Variants in HS6ST2 observed in about 807,000 individuals in gnomAD.
HS6ST2 encodes the protein heparan-sulfate 6-O-sulfotransferase 2.
HS6ST2 carries 17 observed loss-of-function variants against 33.0 expected under a neutral mutation model. The observed-to-expected ratio is 0.52, with a 90% CI of 0.35 to 0.77. The LOEUF is 0.77. HS6ST2 is among the 30% of genes least tolerant of loss of function. The pLI is 0.01. For synonymous variants in HS6ST2, 248 were observed against 237.1 expected (o/e 1.05, Z -0.42); for missense variants, 519 against 551.7 (o/e 0.94, Z 0.59).
intron 2 of HS6ST2, among the ~76,000 whole-genome samples, chrX:132,755,687 A>G (rs760025569): frequency 1.4e-4 from 16 of 111,250 alleles, no homozygotes; most frequent in Admixed American, 3.8e-4. Context: ...GTCTACATTA[A>G]TTTTAAGTCT....
intron 2 of HS6ST2, among the ~76,000 whole-genome samples, chrX:132,761,567 C>G (rs758670802): frequency 1.1e-4 from 12 of 112,382 alleles, no homozygotes; most frequent in Non-Finnish European, 2.1e-4. Context: ...CTCTACTTCC[C>G]TGTGGGCAGA....
chrX:132,645,949 T>C (rs1170201966), intron 4 of HS6ST2, among the ~76,000 whole-genome samples: 2 of 112,034 alleles, frequency 1.8e-5, no homozygotes, highest in African/African-American at 6.5e-5. Context: ...AAATAGACAG[T>C]TCCAGTCCAT....
chrX:132,830,231 G>A (rs1289805656), intron 2 of HS6ST2, among the ~76,000 whole-genome samples: 1 of 111,889 alleles, frequency 8.9e-6, no homozygotes, highest in Admixed American at 9.5e-5. Flanking sequence ...TTTGTACCAT[G>A]ATTTAAATAT....
intron 2 of HS6ST2, among the ~76,000 whole-genome samples, chrX:132,862,759 G>T (rs182155121): frequency 3.6e-5 from 4 of 111,984 alleles, no homozygotes; most frequent in African/African-American, 1.3e-4. Flanking sequence ...CCTGTGTAGG[G>T]TTGCCGTGAC....
chrX:132,939,082 A>G (rs1338806755), intron 2 of HS6ST2, among the ~76,000 whole-genome samples: 1 of 110,810 alleles, frequency 9.0e-6, no homozygotes, highest in East Asian at 2.8e-4. Context: ...TTTTAAGCAA[A>G]CAGATGTCAT....
At chrX:132,660,892 G>A (rs746219928) in intron 4 of HS6ST2, among the ~76,000 whole-genome samples, 1 of 112,031 alleles carries the variant, frequency 8.9e-6, no homozygotes, top group Non-Finnish European at 1.9e-5. Context: ...TGTATGGCTG[G>A]AGAGGACTCA....
chrX:132,821,775 G>A lies in HS6ST2; in HGVS notation c.948-113281C>T, dbSNP rs909542939. Among the ~76,000 whole-genome samples the A allele has an allele frequency of 7.2e-5, 8 of 111,553 alleles. No individual in the cohort carries two copies. In the Admixed American group the frequency reaches 7.6e-4, roughly 11 times the overall value. On this transcript the variant is annotated intron_variant, in intron 2 of 4. Coordinates refer to ENST00000370833, the MANE Select transcript of HS6ST2 (RefSeq NM_001394073.1). ...GGAGGCTGAGGTAGGAGGATTGCTT[G>A]AGCCCAGGAGTTTGAGATCAGCCTG... is the stretch of plus-strand genomic sequence containing the variant.
rs1465687362 is a variant in HS6ST2, at chrX:132,874,341, G to C, written c.947+82467C>G. ...TCCTGTAATCTCAGCACTTTGGGAG[G>C]CTGAGGCAGGCGGATCACGAGGTCA... is the stretch of plus-strand genomic sequence containing the variant. On this transcript the variant is annotated intron_variant, in intron 2 of 4. Coordinates refer to ENST00000370833, the MANE Select transcript of HS6ST2 (RefSeq NM_001394073.1). Among the ~76,000 whole-genome samples, 3 of 112,389 alleles carry C rather than the reference G, an allele frequency of 2.7e-5. No homozygotes were observed. In the Admixed American group the frequency reaches 2.8e-4, roughly 11 times the overall value.
At chrX:132,817,968 C>A (rs781081410) in intron 2 of HS6ST2, among the ~76,000 whole-genome samples, 1 of 111,760 alleles carries the variant, frequency 8.9e-6, no homozygotes, top group South Asian at 3.8e-4. Flanking sequence ...AAGTTACTAA[C>A]CCTCTTGTGT....
chrX:132,710,050 G>A (rs2017285438), intron 2 of HS6ST2, among the ~76,000 whole-genome samples: 1 of 111,293 alleles, frequency 9.0e-6, no homozygotes, highest in South Asian at 3.8e-4. Context: ...TGTCTCTTGA[G>A]TTTTTTTATT....
intron 2 of HS6ST2, among the ~76,000 whole-genome samples, chrX:132,839,972 C>A (rs1183135479): frequency 9.0e-6 from 1 of 110,618 alleles, no homozygotes; most frequent in East Asian, 2.9e-4. Flanking sequence ...CAAAAATTAG[C>A]CAGGCATGGT....
intron 2 of HS6ST2, among the ~76,000 whole-genome samples, chrX:132,714,450 C>T (rs1440135967): frequency 9.0e-6 from 1 of 110,579 alleles, no homozygotes; most frequent in African/African-American, 3.3e-5. Context: ...GTAGCTGGGA[C>T]TACAGGTGCC....
intron 2 of HS6ST2, among the ~76,000 whole-genome samples, chrX:132,717,064 G>C (rs1227464308): frequency 8.9e-6 from 1 of 112,863 alleles, no homozygotes; most frequent in Non-Finnish European, 1.9e-5. Flanking sequence ...TAATGATTTG[G>C]CTAGTGCTAA....
intron 2 of HS6ST2, among the ~76,000 whole-genome samples, chrX:132,796,767 A>G (rs925517162): frequency 1.4e-4 from 16 of 112,149 alleles, no homozygotes; most frequent in Non-Finnish European, 2.8e-4. Flanking sequence ...GCCCCAATCC[A>G]TGGAGCAAGG....
chrX:132,815,122 T>C (rs774077825), intron 2 of HS6ST2, among the ~76,000 whole-genome samples: 8 of 112,171 alleles, frequency 7.1e-5, no homozygotes, highest in Non-Finnish European at 1.5e-4. Flanking sequence ...ACCTAGCCCC[T>C]AACACTCAAA....
At chrX:132,749,757 A>T (rs1490718653) in intron 2 of HS6ST2, among the ~76,000 whole-genome samples, 3 of 111,753 alleles carry the variant, frequency 2.7e-5, no homozygotes, top group Non-Finnish European at 5.6e-5. Context: ...GTCATTCAGC[A>T]GTATCAAAGA....
In HS6ST2 at chrX:132,811,152, T is replaced by C. The variant is rs1257268024; in HGVS notation, c.948-102658A>G. ...GTGTACACAGCAGTGAGAAAGAAAG[T>C]GATATGTCAGCTGGCTTAAATGTAA... On this transcript the variant is annotated intron_variant, in intron 2 of 4. Transcript: ENST00000370833. 4.5e-5 allele frequency among the ~76,000 whole-genome samples: 5 copies of C among 111,448 alleles called. No homozygotes were observed. The Admixed American group carries it at 4.8e-4, about 11-fold the overall frequency.
At chrX:132,861,753 C>T (rs181362631) in intron 2 of HS6ST2, among the ~76,000 whole-genome samples, 46 of 111,869 alleles carry the variant, frequency 4.1e-4, no homozygotes, top group Non-Finnish European at 7.3e-4. Context: ...TTAACTTTCC[C>T]GGGTATCTTA....
intron 2 of HS6ST2, among the ~76,000 whole-genome samples, chrX:132,860,777 CTTTTTTTTTTTTTTTT>C (rs58059164): frequency 1.3e-4 from 7 of 52,896 alleles, no homozygotes; most frequent in African/African-American, 6.3e-4. Context: ...GCATGTGTAT[CTTTTTTTTTTTTTTTT>C]TTTTTTTTTT....
Sources: allele counts gnomAD v4.1 joint callset (sites outside exome capture counted in the v4.1 genomes callset), GRCh38; gene constraint gnomAD v4.1.1; transcripts MANE v1.5; gene names NCBI Gene and HGNC (gene_info 2026-07-23, HGNC 2026-07-21).